The following PLD5 variants were observed in gnomAD, a reference collection of about 807,000 sequenced individuals.
PLD5 encodes phospholipase D family member 5, also known as inactive phospholipase D5.
PLD5 carries 36 observed loss-of-function variants against 61.1 expected under a neutral mutation model. The observed-to-expected ratio is 0.59, with a 90% CI of 0.45 to 0.78. PLD5 has a LOEUF of 0.78. Ranked by LOEUF, PLD5 falls within the 30% of genes least tolerant of loss-of-function variation. The probability of loss-of-function intolerance (pLI) is 0.00; values close to 1 mark genes in which losing one functional copy is unlikely to be tolerated. For synonymous variants in PLD5, 243 were observed against 242.8 expected, an observed-to-expected ratio of 1.00 and a Z score of -0.01; for missense variants, 515 against 644.4, an observed-to-expected ratio of 0.80 and a Z score of 2.17.
intron 1 of PLD5, among the ~76,000 whole-genome samples, chr1:242,485,487 C>T (rs1248129476): frequency 6.6e-6 from 1 of 152,110 alleles, no homozygotes; most frequent in South Asian, 2.1e-4. Flanking sequence ...GAATAACATA[C>T]CTAGGAATCC....
At chr1:242,265,312 A>G (rs370238059) in intron 4 of PLD5, 25 bp downstream of exon 4, 88 of 1,596,396 alleles carry the variant, frequency 5.5e-5, no homozygotes, top group Non-Finnish European at 7.1e-5. Context: ...CCAGCGGTAG[A>G]ATAGCATATC....
chr1:242,432,277 G>T (rs1478197528), intron 1 of PLD5, among the ~76,000 whole-genome samples: 1 of 152,184 alleles, frequency 6.6e-6, no homozygotes, highest in Non-Finnish European at 1.5e-5. Context: ...ACACGGAATA[G>T]CATCAATAGG....
rs1343851694 is a variant in PLD5 at position 242,087,209 on chromosome 1, T to A, written c.*2645A>T. The A allele has an allele frequency of 6.6e-6, 1 of 152,180 alleles. No homozygotes were observed. The highest frequency in any genetic ancestry group is 1.5e-5 in the Non-Finnish European group (1 of 68,042). 9.4% of individuals were successfully genotyped at this position (152,180 alleles called of 1,614,324 possible). ...TGTGGCCCCATGGAGTCACCACCGC[T>A]GCCCAGACTCCCCTGATTAGGGGCT... is the stretch of plus-strand genomic sequence containing the variant. On this transcript the variant is annotated 3_prime_UTR_variant, in exon 10 of 10. Transcript: ENST00000536534.
intron 5 of PLD5, among the ~76,000 whole-genome samples, chr1:242,187,940 T>C (rs1574478499): frequency 6.6e-6 from 1 of 152,310 alleles, no homozygotes; most frequent in Non-Finnish European, 1.5e-5. Context: ...GCTTTGAATG[T>C]CACGCTGAAG....
chr1:242,144,652 G>A (rs576554082), intron 5 of PLD5, among the ~76,000 whole-genome samples: 49 of 152,162 alleles, frequency 3.2e-4, no homozygotes, highest in African/African-American at 1.2e-3. Context: ...GTGGTGGCAC[G>A]TGCCTGTGGT....
chr1:242,278,557 C>A (rs1301079059), intron 3 of PLD5, among the ~76,000 whole-genome samples: 2 of 152,164 alleles, frequency 1.3e-5, no homozygotes, highest in African/African-American at 4.8e-5. Flanking sequence ...AAAAACAGGA[C>A]CAAAATCCAC....
At chr1:242,323,566 T>C (rs1658557367) in intron 2 of PLD5, among the ~76,000 whole-genome samples, 1 of 152,152 alleles carries the variant, frequency 6.6e-6, no homozygotes, top group Non-Finnish European at 1.5e-5. Context: ...ATTCTGAAAA[T>C]AAAGGGAATA....
chr1:242,137,256 C>T (rs1395926796), intron 5 of PLD5, among the ~76,000 whole-genome samples: 1 of 152,164 alleles, frequency 6.6e-6, no homozygotes, highest in East Asian at 1.9e-4. Context: ...AAGCCCTCTC[C>T]AGCACACAGC....
chr1:242,105,242 G>A (rs1448016105), intron 8 of PLD5, among the ~76,000 whole-genome samples: 1 of 148,430 alleles, frequency 6.7e-6, no homozygotes, highest in Non-Finnish European at 1.5e-5. Context: ...TTTTCCTTCA[G>A]AGACAGGGTC....
Position 242,088,670 on chromosome 1 carries a change from G to C in PLD5, c.*1184C>G, listed in dbSNP as rs1021483687. 1 of 152,108 alleles carries C rather than the reference G, an allele frequency of 6.6e-6. No homozygotes were observed. The highest frequency in any genetic ancestry group is 6.6e-5 in the Admixed American group (1 of 15,252). The allele number at this position is 152,108 out of a possible 1,614,324, so 9.4% of individuals were successfully genotyped here. The stretch of plus-strand genomic sequence containing the variant: ...TCTGAAGAGGCCATGCCTCTCCCTA[G>C]TGTAGCAATGGTCTCCATTAATACA... On this transcript the variant is annotated 3_prime_UTR_variant, in exon 10 of 10. Coordinates refer to ENST00000536534, the MANE Select transcript of PLD5 (RefSeq NM_001372062.1).
chr1:242,320,835 G>A (rs1487874144), intron 2 of PLD5, among the ~76,000 whole-genome samples: 2 of 152,082 alleles, frequency 1.3e-5, no homozygotes, highest in African/African-American at 4.8e-5. Flanking sequence ...GATTTGGGGT[G>A]GGGCCTGGGT....
intron 1 of PLD5, among the ~76,000 whole-genome samples, chr1:242,488,548 C>A (rs962651525): frequency 1.3e-5 from 2 of 152,022 alleles, no homozygotes; most frequent in Non-Finnish European, 2.9e-5. Flanking sequence ...ACTATGGATA[C>A]AGTAAAAATA....
intron 1 of PLD5, among the ~76,000 whole-genome samples, chr1:242,485,127 G>A (rs1572225464): frequency 1.3e-5 from 2 of 152,196 alleles, no homozygotes; most frequent in East Asian, 3.9e-4. Flanking sequence ...AAAACTGGAA[G>A]CATTCCCTTT....
At chr1:242,470,312 A>G (rs1667406741) in intron 1 of PLD5, among the ~76,000 whole-genome samples, 1 of 151,524 alleles carries the variant, frequency 6.6e-6, no homozygotes, top group Non-Finnish European at 1.5e-5. Flanking sequence ...ACTGCACTCC[A>G]GCTTGGGCGA....
chr1:242,205,358 T>C (rs1226702134), intron 5 of PLD5, among the ~76,000 whole-genome samples: 1 of 152,242 alleles, frequency 6.6e-6, no homozygotes, highest in Non-Finnish European at 1.5e-5. Flanking sequence ...TTTATGCTTC[T>C]TTTGAATAAC....
intron 3 of PLD5, among the ~76,000 whole-genome samples, chr1:242,286,810 G>A (rs556978996): frequency 1.3e-5 from 2 of 152,272 alleles, no homozygotes; most frequent in East Asian, 1.9e-4. Flanking sequence ...AAGAGCCCAC[G>A]TAAGAGCAAA....
chr1:242,152,560 G>A (rs1342393918), intron 5 of PLD5, among the ~76,000 whole-genome samples: 2 of 151,034 alleles, frequency 1.3e-5, no homozygotes, highest in Non-Finnish European at 2.9e-5. Context: ...TTGTGTCCAT[G>A]TGTTCTCATT....
At chr1:242,127,014 AAAG>A (rs1388293080) in intron 5 of PLD5, among the ~76,000 whole-genome samples, 3 of 152,232 alleles carry the variant, frequency 2.0e-5, no homozygotes, top group Non-Finnish European at 4.4e-5. Flanking sequence ...ACAATTCTCA[AAAG>A]AAGATATACA....
intron 1 of PLD5, among the ~76,000 whole-genome samples, chr1:242,400,391 G>A (rs916670678): frequency 6.6e-6 from 1 of 151,804 alleles, no homozygotes; most frequent in African/African-American, 2.4e-5. Flanking sequence ...CTTAAGGAAG[G>A]ACAAAAATGA....
Sources: allele counts gnomAD v4.1 joint callset (sites outside exome capture counted in the v4.1 genomes callset), GRCh38; gene constraint gnomAD v4.1.1; transcripts MANE v1.5; gene names NCBI Gene and HGNC (gene_info 2026-07-23, HGNC 2026-07-21).